WDPCP: variants seen among roughly 807,000 people sequenced by gnomAD.
WDPCP encodes the protein WD repeat-containing and planar cell polarity effector protein fritz homolog.
Under a neutral mutation model 93.1 loss-of-function variants are expected in WDPCP, and 71 were observed. The observed-to-expected ratio is 0.76, with a 90% CI of 0.63 to 0.93. The LOEUF is 0.93. WDPCP is among the 40% of genes least tolerant of loss of function. The pLI is 0.00. For synonymous variants in WDPCP, 315 were observed against 315.0 expected (o/e 1.00, Z 0.00); for missense variants, 844 against 887.4 (o/e 0.95, Z 0.62).
At chr2:63,473,663 C>G (rs959123182) in intron 6 of WDPCP, among the ~76,000 whole-genome samples, 2 of 152,276 alleles carry the variant, frequency 1.3e-5, no homozygotes, top group Non-Finnish European at 1.5e-5. Context: ...AAACCGATAT[C>G]TCCTATTTTC....
chr2:63,717,807 C>T (rs1669359298), intron 2 of WDPCP: 2 of 271,582 alleles, frequency 7.4e-6, no homozygotes, highest in South Asian at 7.6e-5. Context: ...AGTGGGTATA[C>T]TGGCACAGCA....
intron 13 of WDPCP, among the ~76,000 whole-genome samples, chr2:63,304,285 G>C (rs961716891): frequency 6.6e-6 from 1 of 152,184 alleles, no homozygotes; most frequent in African/African-American, 2.4e-5. Context: ...ACATATGGGT[G>C]GCTGGCAAGA....
At chr2:63,474,797 T>C (rs936401638) in intron 6 of WDPCP, among the ~76,000 whole-genome samples, 1 of 152,138 alleles carries the variant, frequency 6.6e-6, no homozygotes. Flanking sequence ...AGTTCAAATA[T>C]TATGTGTTAA....
intron 2 of WDPCP, among the ~76,000 whole-genome samples, chr2:63,728,698 G>A (rs1039742338): frequency 5.3e-5 from 8 of 152,190 alleles, no homozygotes; most frequent in African/African-American, 1.4e-4. Flanking sequence ...TGACTTGAAC[G>A]TGGGCTTTGT....
At chr2:63,591,827 TACTC>T (rs1320134588), upstream of WDPCP, among the ~76,000 whole-genome samples, 7 of 152,258 alleles carry the variant, frequency 4.6e-5, no homozygotes, top group African/African-American at 7.2e-5. Flanking sequence ...TATTTATAAA[TACTC>T]ACTACGTACT....
intron 2 of WDPCP, among the ~76,000 whole-genome samples, chr2:63,739,617 T>C (rs558249161): frequency 4.6e-5 from 7 of 152,066 alleles, no homozygotes; most frequent in African/African-American, 1.7e-4. Flanking sequence ...CTTTTGTGGA[T>C]AGCAGCAATC....
At chr2:63,622,953 C>G in intron 3 of WDPCP, 4 of 804,306 alleles carry the variant, frequency 5.0e-6, no homozygotes, top group South Asian at 1.7e-5. Flanking sequence ...GTAGCTCAGT[C>G]ACCACCGCAC....
At chr2:63,362,673 C>G (rs768171534) in intron 12 of WDPCP, among the ~76,000 whole-genome samples, 1 of 151,916 alleles carries the variant, frequency 6.6e-6, no homozygotes, top group Non-Finnish European at 1.5e-5. Flanking sequence ...AATCAATTTT[C>G]TTTTCTTAAG....
intron 13 of WDPCP, among the ~76,000 whole-genome samples, chr2:63,301,263 A>C (rs574706670): frequency 6.6e-6 from 1 of 152,360 alleles, no homozygotes; most frequent in South Asian, 2.1e-4. Context: ...CTCCAAAGCC[A>C]AATTTTAGTC....
intron 9 of WDPCP, among the ~76,000 whole-genome samples, chr2:63,408,344 A>C (rs1326362016): frequency 6.6e-6 from 1 of 152,140 alleles, no homozygotes; most frequent in East Asian, 1.9e-4. Context: ...TGTTTGTAGG[A>C]GAGGTTTCTG....
At chr2:63,642,641 T>C (rs1709994886) in intron 3 of WDPCP, 1 of 152,194 alleles carries the variant, frequency 6.6e-6, no homozygotes, top group African/African-American at 2.4e-5. Context: ...GATTTTTGTA[T>C]GTTGATTTTT....
chr2:63,836,178 G>A, the WDPCP span, among the ~76,000 whole-genome samples: 6 of 152,164 alleles, frequency 3.9e-5, no homozygotes, highest in East Asian at 3.8e-4. Flanking sequence ...TTAATATTTC[G>A]TTAGGTTGGT....
intron 12 of WDPCP, among the ~76,000 whole-genome samples, chr2:63,332,496 A>T (rs994104621): frequency 6.6e-6 from 1 of 152,128 alleles, no homozygotes; most frequent in Non-Finnish European, 1.5e-5. Context: ...AATGATGTTG[A>T]ACATTGTTCA....
At chr2:63,741,806 T>C (rs1429047845) in intron 2 of WDPCP, among the ~76,000 whole-genome samples, 1 of 152,090 alleles carries the variant, frequency 6.6e-6, no homozygotes, top group East Asian at 1.9e-4. Flanking sequence ...TGTTGCTAAC[T>C]TTAGGTGAAT....
chr2:63,802,911 C>T (rs1256864409), intron 2 of WDPCP, among the ~76,000 whole-genome samples: 1 of 152,166 alleles, frequency 6.6e-6, no homozygotes, highest in African/African-American at 2.4e-5. Flanking sequence ...AAACTCTACC[C>T]ATCTGAAACA....
At chr2:63,722,377 C>T (rs1233351004) in intron 2 of WDPCP, among the ~76,000 whole-genome samples, 8 of 145,722 alleles carry the variant, frequency 5.5e-5, no homozygotes, top group African/African-American at 1.0e-4. Context: ...GCCTCTGCCC[C>T]GCCGCCCCGT....
intron 12 of WDPCP, among the ~76,000 whole-genome samples, chr2:63,352,986 TG>T (rs1558507601): frequency 1.2e-3 from 188 of 152,240 alleles, no homozygotes; most frequent in Middle Eastern, 6.8e-3. Context: ...AAATCATGGT[TG>T]TATACTCACA....
At chr2:63,583,650 C>G (rs1392499922) in intron 1 of WDPCP, among the ~76,000 whole-genome samples, 1 of 149,314 alleles carries the variant, frequency 6.7e-6, no homozygotes, top group Non-Finnish European at 1.5e-5. Flanking sequence ...CACTGCACTC[C>G]AGCCTGGCGA....
chr2:63,829,140 A>G (rs371759674), upstream of WDPCP, among the ~76,000 whole-genome samples: 26 of 152,262 alleles, frequency 1.7e-4, no homozygotes, highest in East Asian at 1.5e-3. Flanking sequence ...TACTTCCTAC[A>G]GTACTTTATT....
Sources: gnomAD v4.1 joint callset for allele counts (sites outside exome capture counted in the v4.1 genomes callset) on GRCh38, gnomAD v4.1.1 for gene constraint, MANE v1.5 for transcripts, NCBI Gene and HGNC (gene_info 2026-07-23, HGNC 2026-07-21) for gene names.